COG5: variants seen among roughly 807,000 people sequenced by gnomAD.
COG5 encodes component of oligomeric golgi complex 5.
COG5 carries 86 observed loss-of-function variants against 110.4 expected under a neutral mutation model. The ratio of observed to expected loss-of-function variants is 0.78; its 90% confidence interval spans 0.65 to 0.93. COG5 has a LOEUF of 0.93. Ranked by LOEUF, COG5 falls within the 40% of genes least tolerant of loss-of-function variation. The pLI, the probability that COG5 is intolerant of heterozygous loss-of-function variation, is 0.00. For synonymous variants in COG5, 360 were observed against 334.6 expected (o/e 1.08, Z -0.83); for missense variants, 1,077 against 987.0 (o/e 1.09, Z -1.22).
intron 9 of COG5, 64 bp downstream of exon 9, chr7:107,362,244 C>G: frequency 6.9e-7 from 1 of 1,441,250 alleles, no homozygotes. Context: ...CCCAAGGTCA[C>G]ACAATTTGGA....
chr7:107,488,435 T>C (rs1402303992), intron 6 of COG5, among the ~76,000 whole-genome samples: 1 of 152,216 alleles, frequency 6.6e-6, no homozygotes, highest in Admixed American at 6.5e-5. Flanking sequence ...GTGTTTTGCT[T>C]TCTGTTATCT....
intron 14 of COG5, among the ~76,000 whole-genome samples, chr7:107,266,618 A>G (rs1031163750): frequency 6.6e-6 from 1 of 152,090 alleles, no homozygotes; most frequent in African/African-American, 2.4e-5. Context: ...TTCTTGTTTA[A>G]TAACTCGTAG....
intron 6 of COG5, chr7:107,480,712 CAACA>C (rs1282720165): frequency 1.3e-5 from 2 of 151,928 alleles, no homozygotes; most frequent in East Asian, 1.9e-4. Context: ...AGAAATATAA[CAACA>C]AACAATGCAT....
chr7:107,548,929 C>T (rs982478183), intron 3 of COG5, among the ~76,000 whole-genome samples: 3 of 152,100 alleles, frequency 2.0e-5, no homozygotes, highest in Non-Finnish European at 4.4e-5. Context: ...ATTTTGAATG[C>T]CATTCTTTAA....
intron 6 of COG5, among the ~76,000 whole-genome samples, chr7:107,479,224 C>G (rs1333443622): frequency 3.3e-5 from 5 of 152,044 alleles, no homozygotes; most frequent in Non-Finnish European, 7.4e-5. Context: ...GCTGCTGCAG[C>G]ATATTCTGGA....
intron 19 of COG5, among the ~76,000 whole-genome samples, chr7:107,212,556 A>G (rs1317025506): frequency 6.6e-6 from 1 of 152,238 alleles, no homozygotes; most frequent in Admixed American, 6.5e-5. Flanking sequence ...TCATCTAGGT[A>G]AAAGCTCCTA....
chr7:107,324,454 T>C lies in COG5; in HGVS notation c.1094A>G (p.His365Arg). ...AGTAAACTTACAGTTTGTTGCCATA[T>C]GAAATTGAGAAGAAAGTGCCTGAGT... ...SVTQALSSQF[H>R]MATNSSMFLK... The change falls in exon 11 of 22, where the codon CAT becomes CGT. Residue 365 changes from histidine to arginine, a missense_variant. Coordinates refer to ENST00000297135, the MANE Select transcript of COG5 (RefSeq NM_006348.5). 1 of 1,594,872 alleles carries C rather than the reference T, an allele frequency of 6.3e-7. No individual in the cohort carries two copies. The highest frequency in any genetic ancestry group is 2.2e-5 in the East Asian group (1 of 44,536).
At chr7:107,329,074 A>T (rs1263946965) in intron 10 of COG5, among the ~76,000 whole-genome samples, 2 of 152,220 alleles carry the variant, frequency 1.3e-5, no homozygotes, top group African/African-American at 2.4e-5. Context: ...CTACAGATCT[A>T]CAGACTTGTG....
At chr7:107,529,024 T>TTAAAAAAAAA (rs769481378) in intron 5 of COG5, among the ~76,000 whole-genome samples, 172 of 97,846 alleles carry the variant, frequency 1.8e-3, no homozygotes, top group African/African-American at 7.8e-3. Flanking sequence ...AATACTTAAA[T>TTAAAAAAAAA]AAAAAAAAAA....
At chr7:107,348,157 T>C (rs550351020) in intron 10 of COG5, among the ~76,000 whole-genome samples, 1 of 150,802 alleles carries the variant, frequency 6.6e-6, no homozygotes, top group East Asian at 2.0e-4. Flanking sequence ...AAGAATTTTG[T>C]CAAATACTCT....
intron 11 of COG5, among the ~76,000 whole-genome samples, chr7:107,311,926 C>T (rs946353819): frequency 6.6e-6 from 1 of 151,868 alleles, no homozygotes; most frequent in Middle Eastern, 3.2e-3. Context: ...AATTTTCCCC[C>T]GATTCCTAGC....
At chr7:107,463,223 G>A (rs1036953161) in intron 6 of COG5, among the ~76,000 whole-genome samples, 20 of 152,222 alleles carry the variant, frequency 1.3e-4, no homozygotes, top group Admixed American at 3.3e-4. Flanking sequence ...TTCATGGAAC[G>A]CCAAAATGAT....
At chr7:107,563,556 G>GT (rs1804162749) in intron 1 of COG5, 3 of 495,628 alleles carry the variant, frequency 6.1e-6, no homozygotes, top group African/African-American at 2.1e-5. Flanking sequence ...GGGGGGGGGG[G>GT]GGTCGAGTTG....
At chr7:107,405,200 C>T (rs1791744130) in intron 7 of COG5, among the ~76,000 whole-genome samples, 1 of 152,150 alleles carries the variant, frequency 6.6e-6, no homozygotes. Flanking sequence ...GTTTCCTTAA[C>T]CATACAGAAA....
intron 10 of COG5, among the ~76,000 whole-genome samples, chr7:107,361,181 A>C (rs2129045810): frequency 6.6e-6 from 1 of 152,344 alleles, no homozygotes; most frequent in Admixed American, 6.5e-5. Context: ...TTATCCTATG[A>C]ATCATTATCA....
intron 7 of COG5, among the ~76,000 whole-genome samples, chr7:107,386,854 C>T (rs796438807): frequency 5.9e-5 from 9 of 152,246 alleles, no homozygotes; most frequent in African/African-American, 2.2e-4. Flanking sequence ...TAAGGCAGCC[C>T]TGGCTTCGTT....
At chr7:107,330,233 TACAA>T (rs2129030382) in intron 10 of COG5, among the ~76,000 whole-genome samples, 1 of 152,310 alleles carries the variant, frequency 6.6e-6, no homozygotes, top group South Asian at 2.1e-4. Context: ...TGGTTATAAA[TACAA>T]ACAGTATAAT....
intron 7 of COG5, among the ~76,000 whole-genome samples, chr7:107,386,890 A>G (rs970652142): frequency 2.0e-5 from 3 of 152,092 alleles, no homozygotes; most frequent in African/African-American, 7.2e-5. Context: ...TAAAAAGGGG[A>G]AGGAGGAGGA....
At chr7:107,289,708 A>T (rs896809076) in intron 12 of COG5, among the ~76,000 whole-genome samples, 2 of 151,868 alleles carry the variant, frequency 1.3e-5, no homozygotes, top group Middle Eastern at 3.2e-3. Context: ...ATAAATTTGC[A>T]CTCCTTTTGT....
Sources: gnomAD v4.1 joint callset for allele counts (sites outside exome capture counted in the v4.1 genomes callset) on GRCh38, gnomAD v4.1.1 for gene constraint, MANE v1.5 for transcripts, NCBI Gene and HGNC (gene_info 2026-07-23, HGNC 2026-07-21) for gene names.